DOCK9: variants seen among roughly 807,000 people sequenced by gnomAD.
DOCK9 encodes dedicator of cytokinesis 9, also known as dedicator of cytokinesis protein 9.
A neutral mutation model predicts 263.3 loss-of-function variants in DOCK9; 89 were observed. That is an observed-to-expected ratio of 0.34 (90% CI 0.28 to 0.40). The LOEUF is 0.40. Ranked by LOEUF, DOCK9 falls within the 10% of genes least tolerant of loss-of-function variation. The pLI, the probability that DOCK9 is intolerant of heterozygous loss-of-function variation, is 1.00. For missense variants in DOCK9, 2,140 were observed against 2,603.4 expected (o/e 0.82, Z 3.87); for synonymous variants, 976 against 973.1 (o/e 1.00, Z -0.06).
intron 1 of DOCK9, among the ~76,000 whole-genome samples, chr13:99,008,381 C>G (rs560662043): frequency 3.3e-5 from 5 of 151,716 alleles, no homozygotes; most frequent in Non-Finnish European, 7.4e-5. Context: ...TTATAGGTGC[C>G]TGCCACCACA....
intron 1 of DOCK9, among the ~76,000 whole-genome samples, chr13:99,008,234 A>ATATTTTTTTT (rs1233268084): frequency 1.1e-5 from 1 of 94,098 alleles, no homozygotes; most frequent in African/African-American, 4.4e-5. Context: ...ATATATATAT[A>ATATTTTTTTT]TTTTTTTTTT....
At chr13:98,860,318 A>T (rs1307543820) in intron 33 of DOCK9, 87 bp downstream of exon 33, 2 of 1,539,026 alleles carry the variant, frequency 1.3e-6, no homozygotes, top group Non-Finnish European at 1.8e-6. Flanking sequence ...GTCCTACCAC[A>T]CAAGTGTGAC....
At chr13:98,985,339 T>G (rs1044474486) in intron 1 of DOCK9, among the ~76,000 whole-genome samples, 1 of 150,882 alleles carries the variant, frequency 6.6e-6, no homozygotes, top group African/African-American at 2.4e-5. Context: ...CATTTTTCCA[T>G]AGGCTCTATC....
At chr13:98,955,382 G>T in intron 2 of DOCK9, 53 bp downstream of exon 2, 1 of 1,207,202 alleles carries the variant, frequency 8.3e-7, no homozygotes, top group Non-Finnish European at 1.2e-6. Flanking sequence ...GAAAAATACT[G>T]CTTGTTAAGA....
intron 1 of DOCK9, among the ~76,000 whole-genome samples, chr13:99,028,834 G>T (rs551947849): frequency 6.6e-6 from 1 of 152,296 alleles, no homozygotes; most frequent in Non-Finnish European, 1.5e-5. Flanking sequence ...TAGACGAAAA[G>T]AAAGTAGTTT....
chr13:98,990,668 T>C (rs1879594893), intron 1 of DOCK9, among the ~76,000 whole-genome samples: 5 of 152,186 alleles, frequency 3.3e-5, no homozygotes, highest in Admixed American at 3.3e-4. Flanking sequence ...GGGACACACA[T>C]CCACAAAAAT....
chr13:98,880,368 G>A (rs6491460), intron 26 of DOCK9, among the ~76,000 whole-genome samples, 179 bp downstream of exon 26: 107,729 of 151,724 alleles, frequency 0.71, 39,034 homozygotes, highest in Middle Eastern at 0.9. Flanking sequence ...GAACACAGTG[G>A]TGTTTTGCAG....
rs759009486 is a variant in DOCK9 at position 98,915,393 on chromosome 13, A to G, written c.828T>C (p.Asn276=). ...VEMEEWITIL[N]KILQLNFEAA... ...CTTCAAAGTTGAGCTGGAGGATCTT[A>G]TTTAGAATTGTGATCCATTCTTCCA... is the stretch of plus-strand genomic sequence containing the variant. Residue 276 remains asparagine, a synonymous_variant, in exon 8 of 53, where the codon AAT becomes AAC. Transcript: ENST00000682017. The G allele has an allele frequency of 6.2e-7, 1 of 1,613,906 alleles. No homozygotes were observed. The highest frequency in any genetic ancestry group is 8.5e-7 in the Non-Finnish European group (1 of 1,179,860).
intron 39 of DOCK9, among the ~76,000 whole-genome samples, chr13:98,833,246 C>CTTA (rs1031624544): frequency 3.3e-5 from 5 of 150,752 alleles, no homozygotes; most frequent in African/African-American, 7.3e-5. Flanking sequence ...TGGGGAACTG[C>CTTA]TTACAAGTTT....
At chr13:98,947,410 T>TAAAA (rs35703620) in intron 2 of DOCK9, among the ~76,000 whole-genome samples, 261 of 148,194 alleles carry the variant, frequency 1.8e-3, no homozygotes, top group Admixed American at 3.4e-3. Context: ...TGATGATAAT[T>TAAAA]AAAAAAAAAA....
intron 1 of DOCK9, among the ~76,000 whole-genome samples, chr13:99,040,939 G>A (rs943911402): frequency 1.3e-5 from 2 of 152,122 alleles, no homozygotes; most frequent in Non-Finnish European, 1.5e-5. Flanking sequence ...TTGAAGAGTT[G>A]GTTTTCTGAT....
rs73556904 is a variant in DOCK9 at position 98,855,669 on chromosome 13, C to T, written c.3831+229G>A. ...ACCCACCAGAGCCATTCACTCAAGA[C>T]GCTCCACTGCAAACCCTGCCCAGGA... On this transcript the variant is annotated intron_variant, in intron 34 of 52. Transcript: ENST00000682017. Among the ~76,000 whole-genome samples the T allele has an allele frequency of 6.6e-3, 1,009 of 152,232 alleles. 10 individuals are homozygous for T. The highest frequency in any genetic ancestry group is 0.023 in the African/African-American group (971 of 41,526).
rs1449093791 is a variant in DOCK9 at position 98,800,297 on chromosome 13, C to G, written c.5907G>C (p.Val1969=). 3 of 1,601,054 alleles carry G rather than the reference C, an allele frequency of 1.9e-6. No individual in the cohort carries two copies. Among genetic ancestry groups the G allele is most frequent in the Non-Finnish European group, 2.6e-6 (3 of 1,173,718 alleles). ...IKLQLKLQGS[V]SVQVNAGPLA... is the part of the protein sequence containing the mutation. ...GCTGTGCCTGGCTCACCTGAACACT[C>G]ACGCTGCCCTGGAGTTTGAGCTGCA... The change falls in exon 50 of 53, where the codon GTG becomes GTC. Residue 1969 remains valine (V), a synonymous_variant. Transcript: ENST00000682017.
intron 45 of DOCK9, among the ~76,000 whole-genome samples, chr13:98,814,919 C>T (rs1364008964): frequency 6.8e-6 from 1 of 147,250 alleles, no homozygotes; most frequent in African/African-American, 2.5e-5. Flanking sequence ...GCCTGGGTGA[C>T]AGTCAGATTC....
At chr13:98,994,710 CT>C (rs1880608100) in intron 1 of DOCK9, among the ~76,000 whole-genome samples, 2 of 151,790 alleles carry the variant, frequency 1.3e-5, no homozygotes, top group African/African-American at 4.8e-5. Context: ...TTCATTGTTC[CT>C]TCCTCTTAAT....
intron 1 of DOCK9, among the ~76,000 whole-genome samples, chr13:99,076,398 T>G (rs763941264): frequency 7.1e-6 from 1 of 139,902 alleles, no homozygotes; most frequent in South Asian, 2.4e-4. Flanking sequence ...AAAATTAATC[T>G]TATACATTTT....
chr13:98,995,827 T>C (rs1030133432), intron 1 of DOCK9, among the ~76,000 whole-genome samples: 1 of 152,038 alleles, frequency 6.6e-6, no homozygotes, highest in Non-Finnish European at 1.5e-5. Flanking sequence ...AGGAGTGAAT[T>C]CTGAATAGTG....
chr13:98,964,309 C>T (rs34011840), intron 1 of DOCK9, among the ~76,000 whole-genome samples: 51,030 of 152,020 alleles, frequency 0.34, 8,638 homozygotes, highest in Middle Eastern at 0.51. Context: ...GCACCTAGAA[C>T]AGCACCCAGC....
chr13:99,082,788 T>G (rs1284507264), intron 1 of DOCK9, among the ~76,000 whole-genome samples: 3 of 152,136 alleles, frequency 2.0e-5, no homozygotes, highest in Non-Finnish European at 2.9e-5. Context: ...GAAAGCATAA[T>G]TATTATCTCC....
Sources: allele counts gnomAD v4.1 joint callset (sites outside exome capture counted in the v4.1 genomes callset), GRCh38; gene constraint gnomAD v4.1.1; transcripts MANE v1.5; gene names NCBI Gene and HGNC (gene_info 2026-07-23, HGNC 2026-07-21).